CDH2: variants seen among roughly 807,000 people sequenced by gnomAD.
CDH2 encodes cadherin 2, also known as cadherin-2.
Under a neutral mutation model 92.0 loss-of-function variants are expected in CDH2, and 17 were observed. The ratio of observed to expected loss-of-function variants is 0.18; its 90% CI spans 0.13 to 0.28. The LOEUF is 0.28. Among genes scored for constraint, CDH2 ranks in the 10% least tolerant of loss-of-function variants. The probability of loss-of-function intolerance (pLI) is 1.00; values close to 1 mark genes in which losing one functional copy is unlikely to be tolerated. For missense variants in CDH2, 862 were observed against 1,133.1 expected, an observed-to-expected ratio of 0.76 and a Z score of 3.44; for synonymous variants, 419 against 415.9, an observed-to-expected ratio of 1.01 and a Z score of -0.09.
intron 1 of CDH2, among the ~76,000 whole-genome samples, chr18:28,164,211 T>C (rs2016346095): frequency 1.3e-5 from 2 of 152,194 alleles, no homozygotes; most frequent in South Asian, 2.1e-4. Context: ...CAAACCTAGA[T>C]ACACAGGCCC....
chr18:28,012,108 TA>T, intron 3 of CDH2, 116 bp from the exon 4 acceptor site: 1 of 873,542 alleles, frequency 1.1e-6, no homozygotes, highest in East Asian at 2.7e-5. Context: ...GAACAAAAAA[TA>T]AGTCTGGAGG....
chr18:28,088,915 G>C (rs1209465017), intron 2 of CDH2, among the ~76,000 whole-genome samples: 1 of 152,036 alleles, frequency 6.6e-6, no homozygotes, highest in African/African-American at 2.4e-5. Flanking sequence ...AATTCAAGGG[G>C]AAACAAATCT....
At chr18:28,006,207 T>A (rs191795633) in intron 5 of CDH2, among the ~76,000 whole-genome samples, 1 of 152,326 alleles carries the variant, frequency 6.6e-6, no homozygotes, top group East Asian at 1.9e-4. Context: ...GGCATTGTTC[T>A]CAGAGCACAA....
At chr18:28,161,140 A>T (rs557654322) in intron 1 of CDH2, among the ~76,000 whole-genome samples, 4 of 152,290 alleles carry the variant, frequency 2.6e-5, no homozygotes, top group South Asian at 2.1e-4. Flanking sequence ...TCCCTCACAT[A>T]CCACAAGCTC....
chr18:28,119,621 C>T (rs1356052398), intron 2 of CDH2, among the ~76,000 whole-genome samples: 2 of 152,070 alleles, frequency 1.3e-5, no homozygotes, highest in Non-Finnish European at 2.9e-5. Flanking sequence ...AAATATATGT[C>T]TGCTATTTAT....
intron 2 of CDH2, among the ~76,000 whole-genome samples, chr18:28,131,278 A>T (rs1390246983): frequency 6.6e-6 from 1 of 152,232 alleles, no homozygotes; most frequent in Non-Finnish European, 1.5e-5. Flanking sequence ...AACTAAAAAA[A>T]AATTATCAGA....
At chr18:27,955,761 GTTTTTTTT>G (rs5823568) in intron 15 of CDH2, among the ~76,000 whole-genome samples, 3 of 111,714 alleles carry the variant, frequency 2.7e-5, no homozygotes, top group African/African-American at 3.6e-5. Flanking sequence ...CTTTATTTCT[GTTTTTTTT>G]TTTTTTTTTT....
intron 2 of CDH2, among the ~76,000 whole-genome samples, chr18:28,125,996 T>C (rs954152298): frequency 4.6e-5 from 7 of 152,198 alleles, no homozygotes; most frequent in African/African-American, 1.2e-4. Flanking sequence ...AAAGAGTCTA[T>C]GGTCAATTGC....
At chr18:27,984,192 T>C (rs374925936) in intron 13 of CDH2, among the ~76,000 whole-genome samples, 4 of 152,262 alleles carry the variant, frequency 2.6e-5, no homozygotes, top group Non-Finnish European at 1.5e-5. Flanking sequence ...AGAACACTTG[T>C]AAATGGAGAA....
intron 2 of CDH2, among the ~76,000 whole-genome samples, chr18:28,020,915 T>C (rs2013392262): frequency 1.3e-5 from 2 of 152,006 alleles, no homozygotes; most frequent in Non-Finnish European, 2.9e-5. Flanking sequence ...GAGAGATATA[T>C]GAAACTCTGT....
At chr18:28,139,731 C>CTGG (rs1371821705) in intron 2 of CDH2, among the ~76,000 whole-genome samples, 1 of 152,054 alleles carries the variant, frequency 6.6e-6, no homozygotes, top group Admixed American at 6.6e-5. Flanking sequence ...CCCCTTAACT[C>CTGG]TAACTTCCTA....
Position 27,943,843 on chromosome 18 carries a change from T to A in CDH2, c.1152-10719A>T, listed in dbSNP as rs924543534. ...ATTGTTCACATGAGGCCTGAAGAGA[T>A]GAGGCTTTGATTTAGTTTTATTTAT... On this transcript the variant is annotated intron_variant, in intron 6 of 6. Coordinates refer to the CDH2 transcript ENST00000675173. Among the ~76,000 whole-genome samples, 5 of 152,302 alleles carry A rather than the reference T, an allele frequency of 3.3e-5. No individual in the cohort carries two copies. In the East Asian group the frequency reaches 9.7e-4, roughly 29 times the overall value.
intron 2 of CDH2, among the ~76,000 whole-genome samples, chr18:28,124,145 C>T (rs1276724570): frequency 6.6e-6 from 1 of 151,964 alleles, no homozygotes; most frequent in Non-Finnish European, 1.5e-5. Context: ...GGCTACACAG[C>T]AGTTTCTTCC....
At chr18:28,037,841 G>T (rs2013866723) in intron 2 of CDH2, among the ~76,000 whole-genome samples, 1 of 152,102 alleles carries the variant, frequency 6.6e-6, no homozygotes. Flanking sequence ...CTCTCAAGAG[G>T]TTATTGTTTG....
intron 1 of CDH2, among the ~76,000 whole-genome samples, chr18:28,151,380 C>T (rs2016119010): frequency 6.6e-6 from 1 of 152,158 alleles, no homozygotes; most frequent in Non-Finnish European, 1.5e-5. Context: ...TTCTCTTTTT[C>T]ATTATAAAAT....
chr18:28,147,284 CCTTT>C (rs773731536), intron 2 of CDH2, among the ~76,000 whole-genome samples: 17 of 152,044 alleles, frequency 1.1e-4, no homozygotes, highest in African/African-American at 3.6e-4. Flanking sequence ...ATAATAATTT[CCTTT>C]CTTTAATTCA....
intron 4 of CDH2, among the ~76,000 whole-genome samples, chr18:28,010,758 C>T (rs1305860207): frequency 2.6e-5 from 4 of 151,708 alleles, no homozygotes; most frequent in African/African-American, 9.7e-5. Flanking sequence ...CAAGCTCCAC[C>T]TCCCGGGTTC....
intron 2 of CDH2, among the ~76,000 whole-genome samples, chr18:28,109,023 A>G (rs1399354329): frequency 6.6e-6 from 1 of 152,174 alleles, no homozygotes; most frequent in East Asian, 1.9e-4. Flanking sequence ...TGCTAAAAGC[A>G]GCATGATTAA....
At chr18:28,141,649 C>T (rs1258702263) in intron 2 of CDH2, among the ~76,000 whole-genome samples, 2 of 152,002 alleles carry the variant, frequency 1.3e-5, no homozygotes, top group African/African-American at 2.4e-5. Context: ...TCCCCTTCCC[C>T]TCTTGTCATT....
Sources: gnomAD v4.1 joint callset for allele counts (sites outside exome capture counted in the v4.1 genomes callset) on GRCh38, gnomAD v4.1.1 for gene constraint, MANE v1.5 for transcripts, NCBI Gene and HGNC (gene_info 2026-07-23, HGNC 2026-07-21) for gene names.